ITFG1: variants seen among roughly 807,000 people sequenced by gnomAD.
The protein encoded by ITFG1 is integrin alpha FG-GAP repeat containing 1, also known as T-cell immunomodulatory protein.
Under a neutral mutation model 81.8 loss-of-function variants are expected in ITFG1, and 34 were observed. That is an observed-to-expected ratio of 0.42 (90% CI 0.32 to 0.55). The LOEUF is 0.55. ITFG1 is among the 20% of genes least tolerant of loss of function. The pLI is 0.17. For missense variants in ITFG1, 672 were observed against 755.4 expected (o/e 0.89, Z 1.29); for synonymous variants, 285 against 270.6 (o/e 1.05, Z -0.52).
chr16:47,204,401 TTA>T (rs1379339909), intron 14 of ITFG1, among the ~76,000 whole-genome samples: 1 of 152,236 alleles, frequency 6.6e-6, no homozygotes, highest in Admixed American at 6.5e-5. Context: ...CTTTATAAGC[TTA>T]GAGTATTTCT....
chr16:47,238,299 C>T (rs1965898037), intron 12 of ITFG1: 1 of 203,610 alleles, frequency 4.9e-6, no homozygotes, highest in South Asian at 1.7e-4. Flanking sequence ...GTTCTATTTT[C>T]CAATTAGTTA....
intron 8 of ITFG1, among the ~76,000 whole-genome samples, chr16:47,314,458 A>G (rs1273037712): frequency 6.6e-6 from 1 of 152,212 alleles, no homozygotes; most frequent in Non-Finnish European, 1.5e-5. Context: ...TGGCTTCTTA[A>G]AAGTACCAAT....
At chr16:47,373,351 C>T (rs1341657222) in intron 7 of ITFG1, among the ~76,000 whole-genome samples, 6 of 151,986 alleles carry the variant, frequency 3.9e-5, no homozygotes, top group Admixed American at 2.0e-4. Flanking sequence ...GGTGCAATCT[C>T]GGCTCACTGC....
chr16:47,454,169 C>T lies in ITFG1; in HGVS notation c.282-11G>A, dbSNP rs375056874. On this transcript the variant is annotated splice_polypyrimidine_tract_variant and intron_variant, in intron 2 of 17. Coordinates refer to ENST00000320640, the MANE Select transcript of ITFG1 (RefSeq NM_030790.5). ...AATGCACTGTGATTCCTAAAAGAAA[C>T]AAGCATTTACAAATATCAGACAAGT... 4 of 1,584,902 alleles carry T rather than the reference C, an allele frequency of 2.5e-6. No individual in the cohort carries two copies. The highest frequency in any genetic ancestry group is 2.6e-6 in the Non-Finnish European group (3 of 1,161,092).
intron 14 of ITFG1, among the ~76,000 whole-genome samples, chr16:47,173,629 T>C (rs994012004): frequency 5.9e-5 from 9 of 152,228 alleles, no homozygotes; most frequent in African/African-American, 2.2e-4. Context: ...TTAAAGGCAT[T>C]TGTGATATCA....
intron 10 of ITFG1, among the ~76,000 whole-genome samples, chr16:47,264,545 TACACACACACACAC>T (rs60424367): frequency 2.0e-4 from 27 of 136,122 alleles, no homozygotes; most frequent in South Asian, 9.8e-4. Context: ...TGTTCTCTAT[TACACACACACACAC>T]ACACACACAC....
At chr16:47,258,010 G>A (rs560278201) in intron 12 of ITFG1, among the ~76,000 whole-genome samples, 15 of 152,298 alleles carry the variant, frequency 9.8e-5, no homozygotes, top group African/African-American at 3.6e-4. Context: ...AGGGTGCTAG[G>A]CAAAAGTTTC....
At chr16:47,164,463 C>G (rs1042531714) in intron 14 of ITFG1, among the ~76,000 whole-genome samples, 8 of 152,176 alleles carry the variant, frequency 5.3e-5, no homozygotes, top group Admixed American at 2.0e-4. Flanking sequence ...TTCCTGCTTA[C>G]GCAGGGCTTC....
Position 47,433,857 on chromosome 16 carries a change from A to AATATAT in ITFG1, c.561-4965_561-4960dup, listed in dbSNP as rs4038737. ...AACTAAAGTGAATAAATAAAAACTG[A>AATATAT]ATATATATATATATATATATATATA... On this transcript the variant is annotated intron_variant, in intron 5 of 17. Transcript: ENST00000320640. Among the ~76,000 whole-genome samples the AATATAT allele has an allele frequency of 1.0e-3, 39 of 38,376 alleles. 1 individual carries two copies. Among genetic ancestry groups the AATATAT allele is most frequent in the East Asian group, 1.2e-3 (1 of 826 alleles). The allele number at this position is 38,376 out of a possible 152,430, so 25.2% of individuals were successfully genotyped here.
chr16:47,180,219 T>C (rs923833078), intron 14 of ITFG1, among the ~76,000 whole-genome samples: 1 of 152,186 alleles, frequency 6.6e-6, no homozygotes, highest in South Asian at 2.1e-4. Context: ...CCTTGAAGTC[T>C]TATGATATGC....
At chr16:47,310,023 G>A (rs1190550837) in intron 10 of ITFG1, among the ~76,000 whole-genome samples, 1 of 152,188 alleles carries the variant, frequency 6.6e-6, no homozygotes, top group African/African-American at 2.4e-5. Context: ...TCAGAAGTTT[G>A]TTTTGGCTAT....
chr16:47,285,101 T>C (rs1396051559), intron 10 of ITFG1, among the ~76,000 whole-genome samples: 1 of 152,088 alleles, frequency 6.6e-6, no homozygotes, highest in African/African-American at 2.4e-5. Flanking sequence ...TAATGTTGGG[T>C]GTGTTAGGCC....
At chr16:47,260,843 G>T in intron 10 of ITFG1, 148 bp from the exon 11 acceptor site, 3 of 865,184 alleles carry the variant, frequency 3.5e-6, no homozygotes, top group South Asian at 4.0e-5. Flanking sequence ...TTATAGTACT[G>T]TCATTAAAAA....
chr16:47,217,531 G>GT (rs1177991691), intron 14 of ITFG1, among the ~76,000 whole-genome samples: 1 of 152,154 alleles, frequency 6.6e-6, no homozygotes, highest in African/African-American at 2.4e-5. Context: ...TTTTGTAAAG[G>GT]TTTAATATGT....
intron 8 of ITFG1, among the ~76,000 whole-genome samples, chr16:47,320,001 A>C (rs1312218807): frequency 6.6e-6 from 1 of 152,124 alleles, no homozygotes; most frequent in Non-Finnish European, 1.5e-5. Context: ...CGCTCACTGC[A>C]ACTTTCGCCT....
upstream of ITFG1, chr16:47,461,077 A>T (rs1478213645): frequency 6.7e-7 from 1 of 1,495,182 alleles, no homozygotes; most frequent in Admixed American, 2.3e-5. Context: ...CGCCGGCCCA[A>T]CGCCGCGCTT....
intron 1 of ITFG1, among the ~76,000 whole-genome samples, chr16:47,460,525 T>C (rs1969518341): frequency 6.6e-6 from 1 of 152,144 alleles, no homozygotes; most frequent in Non-Finnish European, 1.5e-5. Flanking sequence ...GGAAGCACTT[T>C]GGAAAACAGG....
chr16:47,155,793 T>C lies in ITFG1; in HGVS notation c.1780-15A>G, dbSNP rs1226320704. The stretch of plus-strand genomic sequence containing the variant: ...TCATCTGCTTTCTGAAAAAGAATTT[T>C]AGACTCGTTTATAAATGGTAGAAAG... On this transcript the variant is annotated splice_polypyrimidine_tract_variant and intron_variant, in intron 17 of 17. Transcript: ENST00000320640. 4 of 1,580,452 alleles carry C rather than the reference T, an allele frequency of 2.5e-6. No homozygotes were observed. The Admixed American group carries it at 5.2e-5, about 20-fold the overall frequency.
chr16:47,302,887 A>G (rs1198352998), intron 10 of ITFG1, among the ~76,000 whole-genome samples: 1 of 152,240 alleles, frequency 6.6e-6, no homozygotes, highest in Non-Finnish European at 1.5e-5. Flanking sequence ...GGTATGAAGA[A>G]AACACTTAGA....
Sources: gnomAD v4.1 joint callset for allele counts (sites outside exome capture counted in the v4.1 genomes callset) on GRCh38, gnomAD v4.1.1 for gene constraint, MANE v1.5 for transcripts, NCBI Gene and HGNC (gene_info 2026-07-23, HGNC 2026-07-21) for gene names.